Variants in CSNK2A1 observed in about 807,000 individuals in gnomAD.
CSNK2A1 encodes the protein casein kinase 2 alpha 1, also known as casein kinase II subunit alpha.
Under a neutral mutation model 62.9 loss-of-function variants are expected in CSNK2A1, and 10 were observed. The observed-to-expected ratio is 0.16, with a 90% confidence interval of 0.10 to 0.27. The LOEUF (loss-of-function observed/expected upper bound fraction) is 0.27, where lower values mean the gene tolerates loss of function less well. Ranked by LOEUF, CSNK2A1 falls within the 10% of genes least tolerant of loss-of-function variation. The pLI is 1.00. For missense variants in CSNK2A1, 160 were observed against 492.0 expected, an observed-to-expected ratio of 0.33 and a Z score of 6.38; for synonymous variants, 124 against 167.8, an observed-to-expected ratio of 0.74 and a Z score of 2.02.
chr20:537,357 T>C (rs964880727), intron 1 of CSNK2A1, among the ~76,000 whole-genome samples: 3 of 152,164 alleles, frequency 2.0e-5, no homozygotes, highest in Admixed American at 1.3e-4. Flanking sequence ...TGTTGCTACG[T>C]AGGGTTTTTT....
chr20:524,418 T>C (rs865787654), intron 2 of CSNK2A1, among the ~76,000 whole-genome samples: 3 of 127,722 alleles, frequency 2.3e-5, no homozygotes, highest in Non-Finnish European at 4.8e-5. Flanking sequence ...GGAGGCTCCT[T>C]CTCAAAAAAA....
At chr20:520,455 A>T (rs1314112679) in intron 2 of CSNK2A1, among the ~76,000 whole-genome samples, 1 of 152,148 alleles carries the variant, frequency 6.6e-6, no homozygotes, top group African/African-American at 2.4e-5. Context: ...AAAGGTACAA[A>T]GGCAGTTCAA....
At chr20:490,352 A>ATTTT (rs2018198923) in intron 9 of CSNK2A1, among the ~76,000 whole-genome samples, 1 of 43,390 alleles carries the variant, frequency 2.3e-5, no homozygotes, top group African/African-American at 1.2e-4. Context: ...TTTTTTTTTT[A>ATTTT]GTTTTTTTTT....
intron 13 of CSNK2A1, 112 bp downstream of exon 13, chr20:486,264 T>A: frequency 2.4e-6 from 3 of 1,238,264 alleles, no homozygotes; most frequent in Non-Finnish European, 3.3e-6. Flanking sequence ...TAAAAAAAAG[T>A]CACAAGGCCA....
At chr20:523,973 ACTATT>A (rs1199936648) in intron 2 of CSNK2A1, among the ~76,000 whole-genome samples, 1 of 149,456 alleles carries the variant, frequency 6.7e-6, no homozygotes, top group Non-Finnish European at 1.5e-5. Context: ...AGGTGATATA[ACTATT>A]CTATGTCCCA....
chr20:473,783 T>C lies in CSNK2A1; in HGVS notation c.*10178A>G, dbSNP rs2017796967. On this transcript the variant is annotated 3_prime_UTR_variant, in exon 14 of 14. Transcript: ENST00000217244. ...TGCCCATGTCATCTCTTCCATTTTG[T>C]GCCTGTCTCTCCTTAGATTTGAAGC... 1 of 152,328 alleles carries C rather than the reference T, an allele frequency of 6.6e-6. No homozygotes were observed. Among genetic ancestry groups the C allele is most frequent in the Non-Finnish European group, 1.5e-5 (1 of 68,106 alleles). 9.4% of individuals were successfully genotyped at this position (152,328 alleles called of 1,614,324 possible).
chr20:516,856 GA>G (rs199537457), intron 2 of CSNK2A1, among the ~76,000 whole-genome samples: 113 of 148,908 alleles, frequency 7.6e-4, no homozygotes, highest in Non-Finnish European at 1.4e-3. Flanking sequence ...ATCTTAAAAG[GA>G]AAAAAAAAAT....
chr20:526,713 T>C (rs2019098101), intron 2 of CSNK2A1: 1 of 151,494 alleles, frequency 6.6e-6, no homozygotes, highest in Non-Finnish European at 1.5e-5. Context: ...CCCAGCACTT[T>C]GGGAGGCTGA....
intron 7 of CSNK2A1, 83 bp downstream of exon 7, chr20:497,638 C>A (rs1047640181): frequency 8.4e-7 from 1 of 1,189,002 alleles, no homozygotes; most frequent in Non-Finnish European, 1.2e-6. Flanking sequence ...CAAAGTTAAT[C>A]TGCTGGCTTT....
intron 2 of CSNK2A1, among the ~76,000 whole-genome samples, chr20:520,412 C>T (rs1458814497): frequency 6.6e-6 from 1 of 152,080 alleles, no homozygotes; most frequent in African/African-American, 2.4e-5. Flanking sequence ...TACAGAAATA[C>T]ACTCACACAA....
chr20:490,335 C>CTTTTT (rs907727482), intron 9 of CSNK2A1, among the ~76,000 whole-genome samples: 8,020 of 84,510 alleles, frequency 0.095, 444 homozygotes, highest in South Asian at 0.19. Flanking sequence ...CTAGTTTTTT[C>CTTTTT]TTTTTTTTTT....
In CSNK2A1 at chr20:481,639, C is replaced by T. The variant is rs191960536; in HGVS notation, c.*2322G>A. 59 of 152,124 alleles carry T rather than the reference C, an allele frequency of 3.9e-4. No homozygotes were observed. Among genetic ancestry groups the T allele is most frequent in the African/African-American group, 1.4e-3 (59 of 41,494 alleles). The allele number at this position is 152,124 out of a possible 1,614,324, so 9.4% of individuals were successfully genotyped here. A position where few individuals can be genotyped will look rare whatever the true frequency, so the allele number is the denominator to read the frequency against. On this transcript the variant is annotated 3_prime_UTR_variant, in exon 14 of 14. Transcript: ENST00000217244. Reference sequence around the variant, plus strand: ...CTCTGCATTCACCTTCGGTTTATTCCAAGGTCTGATGGGTGTAAGGAGGTC... The same window carrying T: ...CTCTGCATTCACCTTCGGTTTATTCTAAGGTCTGATGGGTGTAAGGAGGTC...
At position 479,364 on chromosome 20, in the gene CSNK2A1, T is replaced by C. The variant is rs1035718571; in HGVS notation, c.*4597A>G. On this transcript the variant is annotated 3_prime_UTR_variant, in exon 14 of 14. Coordinates refer to ENST00000217244, the MANE Select transcript of CSNK2A1 (RefSeq NM_177559.3). ...ACCCCAATTTAACAGATAGGAAATA[T>C]TGGGACCTCTGGGGAAGGGAGGAAG... 3 of 152,106 alleles carry C rather than the reference T, an allele frequency of 2.0e-5. No individual in the cohort carries two copies. The highest frequency in any genetic ancestry group is 3.8e-4 in the East Asian group (2 of 5,208). 9.4% of individuals were successfully genotyped at this position (152,106 alleles called of 1,614,324 possible).
chr20:536,131 C>T (rs746323336), intron 1 of CSNK2A1, among the ~76,000 whole-genome samples: 1 of 152,128 alleles, frequency 6.6e-6, no homozygotes, highest in Admixed American at 6.5e-5. Context: ...GTAATCTACA[C>T]TGGGCGTGAC....
In CSNK2A1 at chr20:499,332, C is replaced by G; in HGVS notation, c.316-27G>C. The G allele has an allele frequency of 1.2e-6, 2 of 1,601,314 alleles. No individual in the cohort carries two copies. Among genetic ancestry groups the G allele is most frequent in the African/African-American group, 1.3e-5 (1 of 74,266 alleles). ...TAGGGGAAAAGAACAAAAACAAAAA[C>G]ACACATTAGCAATAGCCCTGACAGC... On this transcript the variant is annotated intron_variant, in intron 5 of 13. Transcript: ENST00000217244. This position sits in a 1 kb window ranked among gnomAD's most constrained non-coding sequence, Gnocchi z 4.2.
At chr20:486,531 A>T in intron 12 of CSNK2A1, 69 bp from the exon 13 acceptor site, 1 of 1,554,500 alleles carries the variant, frequency 6.4e-7, no homozygotes, top group Non-Finnish European at 8.8e-7. Context: ...TGGAAGCCTG[A>T]AAGCAGCCAG....
At chr20:495,834 C>T (rs1169490138) in intron 7 of CSNK2A1, 32 bp from the exon 8 acceptor site, 1 of 1,576,416 alleles carries the variant, frequency 6.3e-7, no homozygotes, top group Non-Finnish European at 8.7e-7. Context: ...AAGGAGTTAG[C>T]CTGAATAATA....
chr20:478,566 G>T lies in CSNK2A1; in HGVS notation c.*5395C>A. The T allele has an allele frequency of 2.9e-6, 1 of 350,842 alleles. No homozygotes were observed. Among genetic ancestry groups the T allele is most frequent in the Non-Finnish European group, 5.5e-6 (1 of 182,300 alleles). 21.7% of individuals were successfully genotyped at this position (350,842 alleles called of 1,614,324 possible). A position where few individuals can be genotyped will look rare whatever the true frequency, so the allele number is the denominator to read the frequency against. Reference sequence around the variant, plus strand: ...CCCCCCAGGAACTTCTCTAAGAAATGGACTGACCATCCTGTAAGCTTCCAT... The same window carrying T: ...CCCCCCAGGAACTTCTCTAAGAAATTGACTGACCATCCTGTAAGCTTCCAT... On this transcript the variant is annotated 3_prime_UTR_variant, in exon 14 of 14. Coordinates refer to ENST00000217244, the MANE Select transcript of CSNK2A1 (RefSeq NM_177559.3).
intron 1 of CSNK2A1, among the ~76,000 whole-genome samples, chr20:531,581 T>G (rs1054245988): frequency 2.0e-5 from 3 of 152,058 alleles, no homozygotes; most frequent in Admixed American, 2.0e-4. Context: ...CATTTTTTTT[T>G]GAAGAAAAAA....
Sources: gnomAD v4.1 joint callset for allele counts (sites outside exome capture counted in the v4.1 genomes callset) on GRCh38, gnomAD v4.1.1 for gene constraint, Gnocchi (gnomAD v3.1) non-coding constraint, MANE v1.5 for transcripts, NCBI Gene and HGNC (gene_info 2026-07-23, HGNC 2026-07-21) for gene names.